The following DCAF8L2 variants were observed in gnomAD, a reference collection of about 807,000 sequenced individuals.
DCAF8L2 encodes DDB1 and CUL4 associated factor 8 like 2, also known as DDB1- and CUL4-associated factor 8-like protein 2.
For synonymous variants in DCAF8L2, 200 were observed against 190.9 expected (o/e 1.05, Z -0.39); for missense variants, 430 against 490.7 (o/e 0.88, Z 1.17).
At chrX:27,623,250 G>GA (rs968831452) in intron 1 of DCAF8L2, among the ~76,000 whole-genome samples, 4 of 110,037 alleles carry the variant, frequency 3.6e-5, no homozygotes, top group African/African-American at 6.6e-5. Flanking sequence ...CCCTTCAGGG[G>GA]AAAAAAAACT....
At chrX:27,555,098 AT>A in the DCAF8L2 span, among the ~76,000 whole-genome samples, 1 of 111,863 alleles carries the variant, frequency 8.9e-6, no homozygotes, top group East Asian at 2.8e-4. Flanking sequence ...ACCTTGAAAG[AT>A]TGCAGTAAGG....
intron 2 of DCAF8L2, among the ~76,000 whole-genome samples, chrX:27,655,589 G>T (rs1409846213): frequency 8.9e-6 from 1 of 111,938 alleles, no homozygotes; most frequent in Non-Finnish European, 1.9e-5. Context: ...CTTAAAGGTG[G>T]ACTGATTGTT....
At chrX:27,720,408 C>G (rs921307208) in intron 4 of DCAF8L2, among the ~76,000 whole-genome samples, 66 of 110,959 alleles carry the variant, frequency 5.9e-4, no homozygotes, top group African/African-American at 2.1e-3. Context: ...GCTCTGTCGC[C>G]TAGGCCGGAC....
the DCAF8L2 span, among the ~76,000 whole-genome samples, chrX:27,505,066 C>G: frequency 9.0e-6 from 1 of 111,634 alleles, no homozygotes; most frequent in East Asian, 2.8e-4. Flanking sequence ...TTAAATAACT[C>G]CATTCTCCCA....
intron 2 of DCAF8L2, among the ~76,000 whole-genome samples, chrX:27,670,268 T>TC (rs1385868698): frequency 9.0e-6 from 1 of 111,257 alleles, no homozygotes; most frequent in African/African-American, 3.3e-5. Context: ...GGCCCCGATT[T>TC]CAAGTAACAA....
intron 2 of DCAF8L2, among the ~76,000 whole-genome samples, chrX:27,674,918 A>G (rs1369672251): frequency 9.0e-6 from 1 of 111,654 alleles, no homozygotes; most frequent in East Asian, 2.8e-4. Flanking sequence ...GAGTAAGCTG[A>G]GAAATCAAGG....
At chrX:27,499,843 G>GA in the DCAF8L2 span, among the ~76,000 whole-genome samples, 1 of 102,545 alleles carries the variant, frequency 9.8e-6, no homozygotes, top group Admixed American at 1.0e-4. Flanking sequence ...TGGTGGGGGG[G>GA]GGTACAGGGC....
At chrX:27,502,335 A>AAAATGTATAT in the DCAF8L2 span, among the ~76,000 whole-genome samples, 1 of 12,718 alleles carries the variant, frequency 7.9e-5, no homozygotes, top group African/African-American at 2.2e-4. Context: ...AAAAAAAAAA[A>AAAATGTATAT]ATATATATAT....
the DCAF8L2 span, chrX:27,519,404 T>A: frequency 8.9e-7 from 1 of 1,122,880 alleles, no homozygotes; most frequent in South Asian, 1.8e-5. Flanking sequence ...CAGGAGCAGC[T>A]AGCAGCACTT....
chrX:27,524,204 A>G, the DCAF8L2 span, among the ~76,000 whole-genome samples: 1 of 111,566 alleles, frequency 9.0e-6, no homozygotes, highest in Non-Finnish European at 1.9e-5. Context: ...CCTCAATTTC[A>G]GAGCCTGTTA....
chrX:27,724,263 T>G (rs2147303276), intron 4 of DCAF8L2, among the ~76,000 whole-genome samples: 1 of 111,338 alleles, frequency 9.0e-6, no homozygotes, highest in South Asian at 3.7e-4. Flanking sequence ...AGATTAAATT[T>G]ATGTTTCTAC....
At chrX:27,551,777 C>T in the DCAF8L2 span, among the ~76,000 whole-genome samples, 38 of 111,920 alleles carry the variant, frequency 3.4e-4, no homozygotes, top group African/African-American at 1.2e-3. Flanking sequence ...CTATTGTGAA[C>T]AGTGCTGCAA....
Position 27,747,932 on chromosome X carries a change from T to C in DCAF8L2, c.1037T>C (p.Ile346Thr), listed in dbSNP as rs1454076832. Residue 346 changes from isoleucine (I) to threonine (T), a missense_variant, in exon 5 of 5, where the codon ATT (isoleucine) becomes ACT (threonine). Coordinates refer to ENST00000451261, the MANE Select transcript of DCAF8L2 (RefSeq NM_001353450.2). ...GGTGAAGATGCTGTTGTCTTCACCA[T>C]TGACCTCAGACAAGACCGGCCAGCT... Reference protein sequence around the residue: ...TSGEDAVVFTIDLRQDRPASK... With the variant: ...TSGEDAVVFTTDLRQDRPASK... 1 of 1,211,963 alleles carries C rather than the reference T, an allele frequency of 8.3e-7. No homozygotes were observed. Among genetic ancestry groups the C allele is most frequent in the Non-Finnish European group, 1.1e-6 (1 of 895,501 alleles).
the DCAF8L2 span, among the ~76,000 whole-genome samples, chrX:27,567,139 T>C: frequency 9.0e-6 from 1 of 111,355 alleles, no homozygotes; most frequent in Non-Finnish European, 1.9e-5. Context: ...AAGACTTGTT[T>C]TGTGACCTAA....
the DCAF8L2 span, among the ~76,000 whole-genome samples, chrX:27,532,967 C>T: frequency 1.5e-4 from 15 of 102,973 alleles, no homozygotes; most frequent in Admixed American, 1.5e-3. Flanking sequence ...ATTGCAGGTA[C>T]TTGGGAGGCT....
intron 4 of DCAF8L2, among the ~76,000 whole-genome samples, chrX:27,723,472 T>C (rs1311444412): frequency 9.0e-6 from 1 of 111,186 alleles, no homozygotes; most frequent in Non-Finnish European, 1.9e-5. Flanking sequence ...AATTTTAAAA[T>C]AGAAAATGAT....
chrX:27,744,012 C>T (rs902696699), intron 4 of DCAF8L2, among the ~76,000 whole-genome samples: 1 of 111,315 alleles, frequency 9.0e-6, no homozygotes, highest in Non-Finnish European at 1.9e-5. Context: ...GGATTATAGA[C>T]GTGAGCCACC....
chrX:27,547,891 T>TTTCTCTCTC, the DCAF8L2 span, among the ~76,000 whole-genome samples: 62 of 57,172 alleles, frequency 1.1e-3, 5 homozygotes, highest in East Asian at 3.2e-3. Flanking sequence ...CTCTCTCTCT[T>TTTCTCTCTC]TCTCTCTCTC....
At chrX:27,564,258 C>T in the DCAF8L2 span, among the ~76,000 whole-genome samples, 1 of 110,668 alleles carries the variant, frequency 9.0e-6, no homozygotes, top group African/African-American at 3.3e-5. Context: ...AACGCACTAT[C>T]ACGAGAAAAG....
Sources: gnomAD v4.1 joint callset for allele counts (sites outside exome capture counted in the v4.1 genomes callset) on GRCh38, gnomAD v4.1.1 for gene constraint, MANE v1.5 for transcripts, NCBI Gene and HGNC (gene_info 2026-07-23, HGNC 2026-07-21) for gene names.